Variants in ANAPC4 observed in about 807,000 individuals in gnomAD.
ANAPC4 encodes the protein anaphase promoting complex subunit 4.
In ANAPC4, 63 loss-of-function variants were observed where a neutral mutation model predicts 119.8. The ratio of observed to expected loss-of-function variants is 0.53; its 90% CI spans 0.43 to 0.65. The LOEUF is 0.65. Among genes scored for constraint, ANAPC4 ranks in the 30% least tolerant of loss-of-function variants. The pLI, the probability that ANAPC4 is intolerant of heterozygous loss-of-function variation, is 0.00. For synonymous variants in ANAPC4, 283 were observed against 318.6 expected, an observed-to-expected ratio of 0.89 and a Z score of 1.19; for missense variants, 716 against 945.1, an observed-to-expected ratio of 0.76 and a Z score of 3.18.
Position 25,409,735 on chromosome 4 carries a change from CT to C in ANAPC4, c.1470del (p.Asn491ThrfsTer35). On this transcript the variant is annotated frameshift_variant, in exon 21 of 29. Transcript: ENST00000315368. LOFTEE classifies it high-confidence loss of function. ...GAAGATGATGATCTTGTGTCACCCC[CT>C]AACACAGAAGGAAACCAGTGGTATG... ...KDEDDDLVSP[P>X]NTEGNQWYDF... is the part of the protein sequence containing the mutation. 1 of 1,613,260 alleles carries C rather than the reference CT, an allele frequency of 6.2e-7. No individual in the cohort carries two copies. Among genetic ancestry groups the C allele is most frequent in the Non-Finnish European group, 8.5e-7 (1 of 1,179,466 alleles).
In ANAPC4 at chr4:25,383,339, C is replaced by G. The variant is rs1456218604; in HGVS notation, c.314C>G (p.Ser105Cys). Reference protein sequence around the residue: ...VEKPESLHSFSVEAPVSCMHW... With the variant: ...VEKPESLHSFCVEAPVSCMHW... ...AAACCTGAGAGCTTACACTCTTTTTCTGTGGAGGCTCCAGTTTCCTGTATG... is the reference window on the plus strand; with the variant it reads ...AAACCTGAGAGCTTACACTCTTTTTGTGTGGAGGCTCCAGTTTCCTGTATG... Residue 105 changes from serine (S) to cysteine (C), a missense_variant, in exon 4 of 29, where the codon TCT (serine) becomes TGT (cysteine). By Grantham distance (112) the Ser-to-Cys change is moderately radical. Around this residue, in one of 3 missense-constraint regions of ANAPC4, gnomAD observed 202 missense variants for 293.5 expected, o/e 0.69. Transcript: ENST00000315368. 1 of 1,613,232 alleles carries G rather than the reference C, an allele frequency of 6.2e-7. No individual in the cohort carries two copies. The highest frequency in any genetic ancestry group is 8.5e-7 in the Non-Finnish European group (1 of 1,179,660).
intron 12 of ANAPC4, 140 bp downstream of exon 12, chr4:25,394,514 A>G: frequency 1.0e-6 from 1 of 1,004,894 alleles, no homozygotes; most frequent in East Asian, 2.7e-5. Flanking sequence ...TGTGTTACAT[A>G]CTTACGGGGT....
Position 25,390,088 on chromosome 4 carries a change from A to T in ANAPC4, c.516-48A>T, listed in dbSNP as rs1722260176. 3.1e-6 allele frequency: 4 copies of T among 1,278,884 alleles called. No homozygotes were observed. The Admixed American group carries it at 5.4e-5, about 17-fold the overall frequency. The allele number at this position is 1,278,884 out of a possible 1,614,324, so 79.2% of individuals were successfully genotyped here. The stretch of plus-strand genomic sequence containing the variant: ...TATATCTCGCTTTAACAATGCAATC[A>T]TCTGTGTTGTTGATTGGTTCTCAGC... On this transcript the variant is annotated intron_variant, in intron 7 of 28. Transcript: ENST00000315368.
chr4:25,380,542 A>C, intron 3 of ANAPC4, 63 bp downstream of exon 3: 1 of 1,221,812 alleles, frequency 8.2e-7, no homozygotes, highest in Admixed American at 2.3e-5. Flanking sequence ...TGTAAAGCCC[A>C]TTTTCAGAAA....
rs370774274 is a variant in ANAPC4, at chr4:25,413,860, T to G, written c.1623+118T>G. 3.6e-5 allele frequency: 29 copies of G among 803,132 alleles called. 2 individuals are homozygous for G. The highest frequency in any genetic ancestry group is 1.1e-4 in the East Asian group (4 of 37,608). The allele number at this position is 803,132 out of a possible 1,614,324, so 49.8% of individuals were successfully genotyped here. ...AACTATGAAAATGTTGATAGTCAACTGTTTTTGATTAACAAAAGTAACAAT... is the reference window on the plus strand; with the variant it reads ...AACTATGAAAATGTTGATAGTCAACGGTTTTTGATTAACAAAAGTAACAAT... On this transcript the variant is annotated intron_variant, in intron 22 of 28. Coordinates refer to ENST00000315368, the MANE Select transcript of ANAPC4 (RefSeq NM_013367.3).
intron 21 of ANAPC4, among the ~76,000 whole-genome samples, chr4:25,410,233 A>G (rs1723488388): frequency 6.6e-6 from 1 of 152,136 alleles, no homozygotes; most frequent in Non-Finnish European, 1.5e-5. Flanking sequence ...CTAGAATGTC[A>G]GAATGTTAAT....
intron 4 of ANAPC4, among the ~76,000 whole-genome samples, chr4:25,387,263 T>C (rs1161173995): frequency 6.6e-6 from 1 of 152,206 alleles, no homozygotes; most frequent in Non-Finnish European, 1.5e-5. Context: ...AAAAATTGTT[T>C]TTCTTTTTTG....
chr4:25,393,675 T>C (rs1722481336), intron 10 of ANAPC4, 130 bp from the exon 11 acceptor site: 1 of 544,912 alleles, frequency 1.8e-6, no homozygotes, highest in East Asian at 3.4e-5. Flanking sequence ...AAATAAATAA[T>C]AAAAATAAAA....
At chr4:25,396,591 T>A in intron 14 of ANAPC4, 73 bp from the exon 15 acceptor site, 11 of 1,075,406 alleles carry the variant, frequency 1.0e-5, no homozygotes, top group Non-Finnish European at 1.5e-5. Flanking sequence ...TTCTGAAAAT[T>A]TAGAAATATT....
At chr4:25,398,293 C>G (rs1275958284) in intron 16 of ANAPC4, among the ~76,000 whole-genome samples, 2 of 152,058 alleles carry the variant, frequency 1.3e-5, no homozygotes, top group African/African-American at 4.8e-5. Flanking sequence ...AAAAACCAAG[C>G]AAGAAACAAG....
At chr4:25,385,207 G>T (rs1221853449) in intron 4 of ANAPC4, among the ~76,000 whole-genome samples, 2 of 152,274 alleles carry the variant, frequency 1.3e-5, no homozygotes, top group East Asian at 3.9e-4. Context: ...TTGAAGCCAG[G>T]CATTGACTCC....
chr4:25,404,242 A>G (rs1409887225), intron 17 of ANAPC4, among the ~76,000 whole-genome samples: 1 of 152,190 alleles, frequency 6.6e-6, no homozygotes, highest in African/African-American at 2.4e-5. Flanking sequence ...AAATTTTTTG[A>G]TATTTCTGAA....
intron 20 of ANAPC4, among the ~76,000 whole-genome samples, chr4:25,408,770 A>G (rs1169234613): frequency 6.6e-6 from 1 of 151,982 alleles, no homozygotes; most frequent in Non-Finnish European, 1.5e-5. Context: ...AAGTGCGGGG[A>G]TTACAGGCAT....
intron 26 of ANAPC4, chr4:25,416,199 T>C: frequency 3.0e-6 from 1 of 328,110 alleles, no homozygotes; most frequent in East Asian, 5.0e-5. Context: ...TCACAGATTT[T>C]TGGGGGTCAT....
Position 25,418,093 on chromosome 4 carries a change from T to C in ANAPC4, c.2200-62T>C, listed in dbSNP as rs1253323133. On this transcript the variant is annotated intron_variant, in intron 28 of 28. Transcript: ENST00000315368. ...TTCTTTGATTCAGACTTCTGATTTC[T>C]AATTCTTTATATATGATAAGCCATT... 3 of 1,417,894 alleles carry C rather than the reference T, an allele frequency of 2.1e-6. No individual in the cohort carries two copies. In the African/African-American group the frequency reaches 4.3e-5, roughly 20 times the overall value. The allele number at this position is 1,417,894 out of a possible 1,614,324, so 87.8% of individuals were successfully genotyped here.
Position 25,409,725 on chromosome 4 carries a change from G to T in ANAPC4, c.1459G>T (p.Val487Leu). The T allele has an allele frequency of 6.2e-7, 1 of 1,612,392 alleles. No individual in the cohort carries two copies. Among genetic ancestry groups the T allele is most frequent in the Non-Finnish European group, 8.5e-7 (1 of 1,178,944 alleles). The change falls in exon 21 of 29, where the codon GTG (valine) becomes TTG (leucine). Residue 487 changes from valine to leucine, a missense_variant. Transcript: ENST00000315368. ...QYLKDEDDDLVSPPNTEGNQW... is the reference protein window; with the variant it reads ...QYLKDEDDDLLSPPNTEGNQW... Reference sequence around the variant, plus strand: ...CTTGAAAGATGAAGATGATGATCTTGTGTCACCCCCTAACACAGAAGGAAA... The same window carrying T: ...CTTGAAAGATGAAGATGATGATCTTTTGTCACCCCCTAACACAGAAGGAAA...
intron 28 of ANAPC4, 192 bp from the exon 29 acceptor site, chr4:25,417,963 C>T (rs1001019120): frequency 6.8e-5 from 57 of 840,550 alleles, no homozygotes; most frequent in Admixed American, 9.5e-5. Context: ...TTTAATCTCA[C>T]GAAATTGCCA....
At chr4:25,416,853 A>G (rs1169672227) in intron 27 of ANAPC4, 1 of 271,792 alleles carries the variant, frequency 3.7e-6, no homozygotes, top group Non-Finnish European at 6.9e-6. Flanking sequence ...GGAGTGGATA[A>G]TGGGACTTCT....
At chr4:25,389,019 G>C (rs1722191246) in intron 7 of ANAPC4, 137 bp downstream of exon 7, 14 of 753,252 alleles carry the variant, frequency 1.9e-5, no homozygotes, top group Non-Finnish European at 2.8e-5. Flanking sequence ...TTTTGAGATG[G>C]AGTCTCTGTC....
Sources: allele counts gnomAD v4.1 joint callset (sites outside exome capture counted in the v4.1 genomes callset), GRCh38; gene constraint gnomAD v4.1.1; regional missense constraint gnomAD v4.1.1; transcripts MANE v1.5; gene names NCBI Gene and HGNC (gene_info 2026-07-23, HGNC 2026-07-21).